CASD1: variants seen among roughly 807,000 people sequenced by gnomAD.
The protein encoded by CASD1 is CAS1 domain sialic acid O acetyltransferase 1, also known as N-acetylneuraminate (7)9-O-acetyltransferase.
Under a neutral mutation model 100.0 loss-of-function variants are expected in CASD1, and 41 were observed. The observed-to-expected ratio is 0.41, with a 90% CI of 0.32 to 0.53. CASD1 has a LOEUF of 0.53. Ranked by LOEUF, CASD1 falls within the 20% of genes least tolerant of loss-of-function variation. The probability of loss-of-function intolerance (pLI) is 0.25; values close to 1 mark genes in which losing one functional copy is unlikely to be tolerated. For synonymous variants in CASD1, 321 were observed against 315.6 expected (o/e 1.02, Z -0.18); for missense variants, 774 against 948.7 (o/e 0.82, Z 2.42).
chr7:94,567,955 G>A, the CASD1 span, among the ~76,000 whole-genome samples: 5 of 152,010 alleles, frequency 3.3e-5, no homozygotes, highest in South Asian at 2.1e-4. Flanking sequence ...CTAAATTAAC[G>A]TATAAAGTTC....
At chr7:94,516,399 A>G (rs1424790998) in intron 1 of CASD1, among the ~76,000 whole-genome samples, 1 of 152,130 alleles carries the variant, frequency 6.6e-6, no homozygotes, top group Non-Finnish European at 1.5e-5. Context: ...TTGAGAAAAG[A>G]GATGTGTTCT....
chr7:94,565,233 T>C, the CASD1 span, among the ~76,000 whole-genome samples: 1 of 152,126 alleles, frequency 6.6e-6, no homozygotes, highest in East Asian at 1.9e-4. Context: ...CCATTGTGAA[T>C]AGCAAGACTA....
intron 1 of CASD1, among the ~76,000 whole-genome samples, chr7:94,513,093 T>C (rs1793795313): frequency 6.6e-6 from 1 of 152,132 alleles, no homozygotes; most frequent in Non-Finnish European, 1.5e-5. Flanking sequence ...TCCCAGCACT[T>C]TGGGAGGCTG....
Position 94,555,774 on chromosome 7 carries a change from A to T in CASD1, c.*16A>T. 6.2e-7 allele frequency: 1 copy of T among 1,604,864 alleles called. No homozygotes were observed. The highest frequency in any genetic ancestry group is 8.5e-7 in the Non-Finnish European group (1 of 1,176,648). ...AAAACATTAGGTTCCAAAAATTCTA[A>T]AAAACCTAAACTCTTCAGGCTACCT... On this transcript the variant is annotated 3_prime_UTR_variant, in exon 18 of 18. Coordinates refer to ENST00000297273, the MANE Select transcript of CASD1 (RefSeq NM_022900.5).
chr7:94,536,006 G>A (rs1795097290), intron 8 of CASD1, among the ~76,000 whole-genome samples: 1 of 152,164 alleles, frequency 6.6e-6, no homozygotes, highest in Non-Finnish European at 1.5e-5. Context: ...ACTTTGGGAG[G>A]CCGAGGCAGG....
chr7:94,540,683 A>G (rs73220320), intron 10 of CASD1, among the ~76,000 whole-genome samples: 12,919 of 152,190 alleles, frequency 0.085, 718 homozygotes, highest in Non-Finnish European at 0.11. Flanking sequence ...TGGAGATAGT[A>G]AGACATAGTT....
At chr7:94,594,642 T>C in the CASD1 span, 1 of 152,118 alleles carries the variant, frequency 6.6e-6, no homozygotes, top group East Asian at 1.9e-4. Context: ...GGGTTCCTCA[T>C]TGTGACAAAT....
In CASD1 at chr7:94,544,401, T is replaced by A; in HGVS notation, c.1357-10T>A. 1 of 1,612,742 alleles carries A rather than the reference T, an allele frequency of 6.2e-7. No individual in the cohort carries two copies. Among genetic ancestry groups the A allele is most frequent in the Non-Finnish European group, 8.5e-7 (1 of 1,179,272 alleles). On this transcript the variant is annotated splice_polypyrimidine_tract_variant and intron_variant, in intron 10 of 17. Coordinates refer to ENST00000297273, the MANE Select transcript of CASD1 (RefSeq NM_022900.5). ...CAACATATGTTTTACCTGTTTATCT[T>A]TGTCAACAGTTTTTGCCTGTATACA...
chr7:94,572,363 T>C, the CASD1 span, among the ~76,000 whole-genome samples: 1 of 152,206 alleles, frequency 6.6e-6, no homozygotes, highest in Admixed American at 6.5e-5. Context: ...GAATCTCAGT[T>C]GTGTCTCTTG....
the CASD1 span, among the ~76,000 whole-genome samples, chr7:94,581,017 A>G: frequency 6.6e-6 from 1 of 152,292 alleles, no homozygotes; most frequent in Non-Finnish European, 1.5e-5. Context: ...GAATCCCATA[A>G]GGAAAGCTAC....
chr7:94,567,300 A>C, the CASD1 span, among the ~76,000 whole-genome samples: 3 of 152,102 alleles, frequency 2.0e-5, no homozygotes, highest in African/African-American at 4.8e-5. Context: ...TAACATGTTG[A>C]AATGGCCTAG....
At chr7:94,588,367 C>T in the CASD1 span, 1 of 1,134,430 alleles carries the variant, frequency 8.8e-7, no homozygotes, top group Non-Finnish European at 1.1e-6. Context: ...CTGGATGCAT[C>T]CAAGCTAAGA....
chr7:94,555,399 GTTA>G, intron 17 of CASD1, 90 bp from the exon 18 acceptor site: 1 of 1,274,306 alleles, frequency 7.8e-7, no homozygotes, highest in Non-Finnish European at 1.1e-6. Context: ...GCCTTCTAAT[GTTA>G]TTATGCAACC....
intron 5 of CASD1, among the ~76,000 whole-genome samples, chr7:94,528,819 A>C (rs1794706947): frequency 6.6e-6 from 1 of 152,148 alleles, no homozygotes; most frequent in African/African-American, 2.4e-5. Flanking sequence ...GTTTCCATAC[A>C]GTCTGTCAGT....
chr7:94,541,128 C>T (rs1022163595), intron 10 of CASD1, among the ~76,000 whole-genome samples: 8 of 151,958 alleles, frequency 5.3e-5, no homozygotes, highest in African/African-American at 1.7e-4. Flanking sequence ...ACTAACATAT[C>T]CCTGTTCTTT....
At chr7:94,588,608 C>T in the CASD1 span, 1 of 1,555,298 alleles carries the variant, frequency 6.4e-7, no homozygotes, top group Non-Finnish European at 8.8e-7. Flanking sequence ...GATAAAGCTT[C>T]ATAAATTATA....
intron 5 of CASD1, among the ~76,000 whole-genome samples, chr7:94,529,404 T>G (rs968568519): frequency 6.6e-6 from 1 of 152,144 alleles, no homozygotes; most frequent in East Asian, 1.9e-4. Flanking sequence ...TAAAGCTAGT[T>G]TTTGGAGCCT....
intron 13 of CASD1, among the ~76,000 whole-genome samples, chr7:94,548,928 A>G (rs1176093055): frequency 1.3e-5 from 2 of 151,994 alleles, no homozygotes; most frequent in African/African-American, 4.8e-5. Context: ...ACTATTCACT[A>G]ACTTTATCAG....
chr7:94,598,651 C>T, the CASD1 span: 4 of 785,872 alleles, frequency 5.1e-6, no homozygotes, highest in Non-Finnish European at 9.0e-6. Context: ...TACACAATGT[C>T]CTTTTGTTAT....
Sources: gnomAD v4.1 joint callset for allele counts (sites outside exome capture counted in the v4.1 genomes callset) on GRCh38, gnomAD v4.1.1 for gene constraint, MANE v1.5 for transcripts, NCBI Gene and HGNC (gene_info 2026-07-23, HGNC 2026-07-21) for gene names.